GRIN2A: variants seen among roughly 807,000 people sequenced by gnomAD.
The protein encoded by GRIN2A is glutamate ionotropic receptor NMDA type subunit 2A, also known as glutamate receptor ionotropic, NMDA 2A.
In GRIN2A, 22 loss-of-function variants were observed where a neutral mutation model predicts 113.4. The ratio of observed to expected loss-of-function variants is 0.19; its 90% CI spans 0.14 to 0.28. The LOEUF is 0.28. Ranked by LOEUF, GRIN2A falls within the 10% of genes least tolerant of loss-of-function variation. The pLI is 1.00. For missense variants in GRIN2A, 1,502 were observed against 1,887.0 expected, an observed-to-expected ratio of 0.80 and a Z score of 3.78; for synonymous variants, 827 against 738.4, an observed-to-expected ratio of 1.12 and a Z score of -1.94.
At chr16:10,041,138 T>TA (rs1168287316) in intron 2 of GRIN2A, among the ~76,000 whole-genome samples, 2 of 152,202 alleles carry the variant, frequency 1.3e-5, no homozygotes, top group Non-Finnish European at 1.5e-5. Flanking sequence ...ACCTTTATCA[T>TA]AAAAAAGTGA....
intron 5 of GRIN2A, among the ~76,000 whole-genome samples, chr16:9,845,782 C>T (rs1388792151): frequency 6.6e-6 from 1 of 152,132 alleles, no homozygotes; most frequent in African/African-American, 2.4e-5. Context: ...TAAAGTAACC[C>T]CACATACCCC....
intron 3 of GRIN2A, among the ~76,000 whole-genome samples, chr16:9,935,119 T>C (rs1740824623): frequency 1.3e-5 from 2 of 152,196 alleles, no homozygotes; most frequent in African/African-American, 2.4e-5. Flanking sequence ...GTCTTGCCAA[T>C]TATCCTTCTA....
intron 2 of GRIN2A, chr16:10,111,664 T>G (rs1460387629): frequency 6.4e-7 from 1 of 1,562,598 alleles, no homozygotes. Context: ...TCACCACAAC[T>G]GCACCCCAGA....
chr16:10,138,356 C>T (rs1411666827), intron 2 of GRIN2A, among the ~76,000 whole-genome samples: 1 of 152,124 alleles, frequency 6.6e-6, no homozygotes, highest in Non-Finnish European at 1.5e-5. Flanking sequence ...TGACTCACCG[C>T]TTGGCATGGC....
At chr16:9,829,391 C>G (rs767906632) in intron 9 of GRIN2A, 32 bp downstream of exon 9, 1 of 1,437,442 alleles carries the variant, frequency 7.0e-7, no homozygotes, top group Admixed American at 1.7e-5. Context: ...AAGACCAACC[C>G]TCAGATGGAG....
intron 2 of GRIN2A, among the ~76,000 whole-genome samples, chr16:10,157,445 T>G (rs1401913023): frequency 1.3e-5 from 2 of 152,220 alleles, no homozygotes; most frequent in African/African-American, 4.8e-5. Flanking sequence ...TATTAGTCCA[T>G]TCTCACACTG....
rs114265327 is a variant in GRIN2A, at chr16:9,983,407, A to C, written c.415-44856T>G. Among the ~76,000 whole-genome samples the C allele has an allele frequency of 7.5e-3, 1,121 of 150,376 alleles. 16 individuals are homozygous for C. Among genetic ancestry groups the C allele is most frequent in the African/African-American group, 0.026 (1,073 of 40,956 alleles). Reference sequence around the variant, plus strand: ...AACATAGTGTCCTCCAAGCTCATCCATGTTGCCACGAATGACAAGATGTTG... The same window carrying C: ...AACATAGTGTCCTCCAAGCTCATCCCTGTTGCCACGAATGACAAGATGTTG... On this transcript the variant is annotated intron_variant, in intron 2 of 12. Transcript: ENST00000330684.
intron 2 of GRIN2A, among the ~76,000 whole-genome samples, chr16:10,017,307 G>A (rs905035936): frequency 6.6e-6 from 1 of 152,018 alleles, no homozygotes; most frequent in Non-Finnish European, 1.5e-5. Flanking sequence ...ACGTTGTTAA[G>A]TGCTACAATG....
intron 1 of GRIN2A, among the ~76,000 whole-genome samples, chr16:10,181,359 C>T (rs1336160960): frequency 1.3e-5 from 2 of 152,218 alleles, no homozygotes; most frequent in Admixed American, 1.3e-4. Flanking sequence ...TCCCAAGAAG[C>T]TCCCAGACGG....
chr16:10,073,715 C>G (rs1283856693), intron 2 of GRIN2A, among the ~76,000 whole-genome samples: 1 of 151,472 alleles, frequency 6.6e-6, no homozygotes, highest in African/African-American at 2.4e-5. Flanking sequence ...ACCAGCCTGG[C>G]CAACATGGTG....
rs145538363 is a variant in GRIN2A at position 9,888,740 on chromosome 16, T to G, written c.1122+2246A>C. Among the ~76,000 whole-genome samples the G allele has an allele frequency of 3.9e-3, 587 of 152,016 alleles. 8 individuals carry two copies. Among genetic ancestry groups the G allele is most frequent in the Non-Finnish European group, 4.9e-3 (335 of 67,938 alleles). On this transcript the variant is annotated intron_variant, in intron 4 of 12. Transcript: ENST00000330684. ...TATGCGTATGTGCATATAATATATA[T>G]AAATCGATATATATATTATAGGTTT...
intron 3 of GRIN2A, among the ~76,000 whole-genome samples, chr16:9,915,182 C>T (rs1225593728): frequency 6.6e-6 from 1 of 151,468 alleles, no homozygotes; most frequent in Non-Finnish European, 1.5e-5. Flanking sequence ...ATGATCCGCC[C>T]GCCTCAGCCT....
intron 2 of GRIN2A, among the ~76,000 whole-genome samples, chr16:10,082,514 T>C (rs1382003775): frequency 3.9e-5 from 6 of 152,228 alleles, no homozygotes; most frequent in Admixed American, 3.9e-4. Context: ...GAAGATATCA[T>C]TAAGTTCCCT....
intron 2 of GRIN2A, among the ~76,000 whole-genome samples, chr16:9,983,817 G>T (rs149204583): frequency 6.6e-6 from 1 of 152,164 alleles, no homozygotes; most frequent in African/African-American, 2.4e-5. Context: ...TAATTCAGTG[G>T]TTGATTCAAT....
At chr16:9,769,451 CTTT>C (rs34847596) in intron 11 of GRIN2A, among the ~76,000 whole-genome samples, 5 of 104,862 alleles carry the variant, frequency 4.8e-5, no homozygotes, top group African/African-American at 1.3e-4. Flanking sequence ...GGAGTTTTGT[CTTT>C]TTTTTTTTTT....
chr16:9,981,592 A>G (rs546470273), intron 2 of GRIN2A, among the ~76,000 whole-genome samples: 1 of 152,166 alleles, frequency 6.6e-6, no homozygotes, highest in African/African-American at 2.4e-5. Context: ...TTCAGTATAC[A>G]TCTCTAAAAG....
intron 2 of GRIN2A, among the ~76,000 whole-genome samples, chr16:10,108,814 G>T (rs988802202): frequency 6.6e-5 from 10 of 151,802 alleles, no homozygotes; most frequent in African/African-American, 2.4e-4. Context: ...TAACATAGAA[G>T]CAAAAAAAGC....
chr16:10,145,229 A>C (rs1596550936), intron 2 of GRIN2A, among the ~76,000 whole-genome samples: 1 of 152,174 alleles, frequency 6.6e-6, no homozygotes, highest in African/African-American at 2.4e-5. Context: ...ATGCAGGATG[A>C]ATAAGTTCTG....
chr16:10,006,475 TC>T (rs1213148364), intron 2 of GRIN2A, among the ~76,000 whole-genome samples: 1 of 152,224 alleles, frequency 6.6e-6, no homozygotes, highest in Non-Finnish European at 1.5e-5. Flanking sequence ...CATGTAAATT[TC>T]ATTTTATTTC....
Sources: gnomAD v4.1 joint callset for allele counts (sites outside exome capture counted in the v4.1 genomes callset) on GRCh38, gnomAD v4.1.1 for gene constraint, MANE v1.5 for transcripts, NCBI Gene and HGNC (gene_info 2026-07-23, HGNC 2026-07-21) for gene names.